The following PHIP variants were observed in gnomAD, a reference collection of about 807,000 sequenced individuals.
PHIP encodes the protein PH-interacting protein.
A neutral mutation model predicts 236.8 loss-of-function variants in PHIP; 54 were observed. That is an observed-to-expected ratio of 0.23 (90% CI 0.18 to 0.29). The LOEUF (loss-of-function observed/expected upper bound fraction) is 0.29, where lower values mean the gene tolerates loss of function less well. PHIP is among the 10% of genes least tolerant of loss of function. PHIP has a pLI of 1.00. For missense variants in PHIP, 1,370 were observed against 2,190.8 expected, an observed-to-expected ratio of 0.63 and a Z score of 7.48; for synonymous variants, 756 against 718.9, an observed-to-expected ratio of 1.05 and a Z score of -0.83.
chr6:78,983,943 ATATT>A (rs1768706792), intron 22 of PHIP, among the ~76,000 whole-genome samples: 1 of 152,152 alleles, frequency 6.6e-6, no homozygotes, highest in African/African-American at 2.4e-5. Context: ...GTATGTGAGC[ATATT>A]TACTTATTTT....
Position 79,015,086 on chromosome 6 carries a change from T to C in PHIP, c.1520A>G (p.Asn507Ser). ...AATGAAGAGAATGATAATTACCATA[T>C]TGAAATAAGATCGTATTTTGACTCC... ...ARGVKIRSYF[N>S]MIEGQGHGAV... Residue 507 changes from asparagine (N) to serine (S), a missense_variant, in exon 15 of 40, where the codon AAT becomes AGT. By Grantham distance (46) the Asn-to-Ser change is conservative. Transcript: ENST00000275034. The C allele has an allele frequency of 6.2e-7, 1 of 1,610,090 alleles. No homozygotes were observed. The highest frequency in any genetic ancestry group is 8.5e-7 in the Non-Finnish European group (1 of 1,176,926).
chr6:79,024,914 T>C (rs538144152), intron 9 of PHIP, among the ~76,000 whole-genome samples: 4 of 152,346 alleles, frequency 2.6e-5, no homozygotes, highest in African/African-American at 7.2e-5. Flanking sequence ...GTTTTAACTA[T>C]GGGAAAGTCA....
intron 6 of PHIP, among the ~76,000 whole-genome samples, chr6:79,057,623 A>G (rs935936168): frequency 6.6e-6 from 1 of 152,136 alleles, no homozygotes; most frequent in African/African-American, 2.4e-5. Flanking sequence ...TAAAATATCA[A>G]GAATTTTTTC....
Position 79,040,160 on chromosome 6 carries a change from C to T in PHIP, c.600+2683G>A, listed in dbSNP as rs548091512. ...TTATATGCATTATTTCATGTAATCC[C>T]ACAAAAATCCTATGTGGTTGGTACT... is the stretch of plus-strand genomic sequence containing the variant. On this transcript the variant is annotated intron_variant, in intron 7 of 39. Coordinates refer to ENST00000275034, the MANE Select transcript of PHIP (RefSeq NM_017934.7). Among the ~76,000 whole-genome samples the T allele has an allele frequency of 2.0e-5, 3 of 152,152 alleles. No homozygotes were observed. The East Asian group carries it at 5.8e-4, about 29-fold the overall frequency.
chr6:78,990,826 C>A (rs775103863), intron 20 of PHIP, 42 bp downstream of exon 20: 4 of 1,154,520 alleles, frequency 3.5e-6, no homozygotes, highest in Non-Finnish European at 5.1e-6. Context: ...GGTCACTATA[C>A]TTAAGAAGCA....
chr6:79,015,426 A>C (rs1770789677), intron 14 of PHIP, among the ~76,000 whole-genome samples: 1 of 149,898 alleles, frequency 6.7e-6, no homozygotes, highest in African/African-American at 2.5e-5. Context: ...TTTTCATATT[A>C]AAAAAACAGC....
Position 78,940,689 on chromosome 6 carries a change from C to T in PHIP, c.*4G>A, listed in dbSNP as rs1773457911. 4 of 1,569,196 alleles carry T rather than the reference C, an allele frequency of 2.5e-6. No homozygotes were observed. In the Admixed American group the frequency reaches 5.2e-5, roughly 20 times the overall value. On this transcript the variant is annotated 3_prime_UTR_variant, in exon 40 of 40. Transcript: ENST00000275034. ...GATTTTGAAGTAAAATATTTTGGTACAAGTTACCAACCAATTAAATTAGCT... is the reference window on the plus strand; with the variant it reads ...GATTTTGAAGTAAAATATTTTGGTATAAGTTACCAACCAATTAAATTAGCT...
intron 7 of PHIP, among the ~76,000 whole-genome samples, chr6:79,037,589 A>G (rs1772003885): frequency 6.6e-6 from 1 of 152,198 alleles, no homozygotes; most frequent in African/African-American, 2.4e-5. Context: ...ATAATCAGCC[A>G]CATGAATACT....
At chr6:78,987,254 TAA>T (rs765125513) in intron 21 of PHIP, among the ~76,000 whole-genome samples, 1 of 152,094 alleles carries the variant, frequency 6.6e-6, no homozygotes, top group African/African-American at 2.4e-5. Flanking sequence ...CTTTCAAAAA[TAA>T]AGAGACATTT....
At chr6:79,070,194 G>A (rs747202797) in intron 4 of PHIP, among the ~76,000 whole-genome samples, 8 of 152,194 alleles carry the variant, frequency 5.3e-5, no homozygotes, top group African/African-American at 1.7e-4. Flanking sequence ...TGTTTAAGTC[G>A]TCATATGTGC....
intron 24 of PHIP, among the ~76,000 whole-genome samples, chr6:78,975,170 C>T (rs1466170877): frequency 2.0e-5 from 3 of 151,846 alleles, no homozygotes; most frequent in Non-Finnish European, 4.4e-5. Context: ...AAAAGCTTAT[C>T]CACCATGAAC....
At chr6:79,029,100 C>T (rs555807053) in intron 7 of PHIP, among the ~76,000 whole-genome samples, 5 of 152,164 alleles carry the variant, frequency 3.3e-5, no homozygotes, top group Admixed American at 2.0e-4. Context: ...AACAAAAATG[C>T]ATATGCTTCC....
intron 7 of PHIP, among the ~76,000 whole-genome samples, chr6:79,031,198 C>A (rs1036500174): frequency 3.3e-5 from 5 of 152,178 alleles, no homozygotes; most frequent in African/African-American, 1.2e-4. Flanking sequence ...TCTGCCTCAG[C>A]CTCCTAAAGT....
chr6:79,058,581 G>A (rs530796754), intron 6 of PHIP, among the ~76,000 whole-genome samples: 28 of 152,194 alleles, frequency 1.8e-4, no homozygotes, highest in Non-Finnish European at 5.9e-5. Flanking sequence ...ACTTCTCACT[G>A]CATGTGTGAA....
At chr6:79,042,811 T>A (rs769396958) in intron 7 of PHIP, 32 bp downstream of exon 7, 1 of 1,474,902 alleles carries the variant, frequency 6.8e-7, no homozygotes, top group Non-Finnish European at 9.2e-7. Context: ...ATTACATATA[T>A]GAATATAAAT....
intron 29 of PHIP, among the ~76,000 whole-genome samples, chr6:78,964,808 T>A (rs552776090): frequency 6.6e-6 from 1 of 152,206 alleles, no homozygotes; most frequent in Admixed American, 6.5e-5. Context: ...TATTATTTTT[T>A]AAAAATCAAA....
Position 79,078,189 on chromosome 6 carries a change from C to G in PHIP, c.-121G>C. On this transcript the variant is annotated 5_prime_UTR_variant, in exon 1 of 40. It removes an upstream start codon present in the reference 5' UTR. Coordinates refer to ENST00000275034, the MANE Select transcript of PHIP (RefSeq NM_017934.7). ...TTCACGAGCCGAGCTTCGGCTCCAC[C>G]ATTCAAGCAACGGCGGCGGAGGCGG... 1 of 959,926 alleles carries G rather than the reference C, an allele frequency of 1.0e-6. No individual in the cohort carries two copies. The highest frequency in any genetic ancestry group is 1.6e-6 in the Non-Finnish European group (1 of 637,886). 59.5% of individuals were successfully genotyped at this position (959,926 alleles called of 1,614,324 possible). A position where few individuals can be genotyped will look rare whatever the true frequency, so the allele number is the denominator to read the frequency against.
At chr6:79,035,946 T>C (rs1771909902) in intron 7 of PHIP, among the ~76,000 whole-genome samples, 1 of 152,190 alleles carries the variant, frequency 6.6e-6, no homozygotes, top group Admixed American at 6.5e-5. Context: ...TATTCATCTA[T>C]ACCACCAATG....
rs543631341 is a variant in PHIP, at chr6:78,942,202, G to T, written c.4829-872C>A. On this transcript the variant is annotated intron_variant, in intron 39 of 39. Transcript: ENST00000275034. Reference sequence around the variant, plus strand: ...TTTGTAAATAAGAAAATCATGGTTGGTCGGGTGCAGTGGCTCACGATTATA... The same window carrying T: ...TTTGTAAATAAGAAAATCATGGTTGTTCGGGTGCAGTGGCTCACGATTATA... 7.2e-5 allele frequency among the ~76,000 whole-genome samples: 11 copies of T among 152,346 alleles called. 1 individual carries two copies. The South Asian group carries it at 2.3e-3, about 32-fold the overall frequency.
Sources: gnomAD v4.1 joint callset for allele counts (sites outside exome capture counted in the v4.1 genomes callset) on GRCh38, gnomAD v4.1.1 for gene constraint, MANE v1.5 for transcripts, NCBI Gene and HGNC (gene_info 2026-07-23, HGNC 2026-07-21) for gene names.